Variants in HLCS observed in about 807,000 individuals in gnomAD.
HLCS encodes the protein biotin--protein ligase.
A neutral mutation model predicts 75.0 loss-of-function variants in HLCS; 53 were observed. The ratio of observed to expected loss-of-function variants is 0.71; its 90% CI spans 0.57 to 0.89. The LOEUF (loss-of-function observed/expected upper bound fraction) is 0.89. Among genes scored for constraint, HLCS ranks in the 40% least tolerant of loss-of-function variants. HLCS has a pLI of 0.00. For synonymous variants in HLCS, 431 were observed against 428.6 expected, an observed-to-expected ratio of 1.01 and a Z score of -0.07; for missense variants, 966 against 1,074.0, an observed-to-expected ratio of 0.90 and a Z score of 1.41.
chr21:36,933,841 T>C (rs3787771), intron 4 of HLCS, among the ~76,000 whole-genome samples: 98,819 of 152,034 alleles, frequency 0.65, 32,372 homozygotes, highest in East Asian at 0.79. Flanking sequence ...GTAGCCAAGA[T>C]GCACACGCAG....
intron 5 of HLCS, among the ~76,000 whole-genome samples, chr21:36,902,894 G>C (rs374450857): frequency 7.5e-4 from 114 of 152,308 alleles, no homozygotes; most frequent in African/African-American, 2.1e-3. Flanking sequence ...GCAGAGAGGA[G>C]GCAGTGAGCT....
intron 6 of HLCS, among the ~76,000 whole-genome samples, chr21:36,825,448 G>C (rs2061977188): frequency 6.6e-6 from 1 of 151,946 alleles, no homozygotes; most frequent in South Asian, 2.1e-4. Context: ...CTTGAGACTG[G>C]TTTGGTTCTG....
intron 2 of HLCS, among the ~76,000 whole-genome samples, chr21:36,954,513 G>A (rs1050102628): frequency 6.6e-6 from 1 of 151,924 alleles, no homozygotes; most frequent in Non-Finnish European, 1.5e-5. Flanking sequence ...CTACTTGGGA[G>A]GCTGAGGCAG....
chr21:36,959,066 G>T (rs1460445560), intron 2 of HLCS, among the ~76,000 whole-genome samples: 1 of 152,190 alleles, frequency 6.6e-6, no homozygotes, highest in Non-Finnish European at 1.5e-5. Context: ...CAGGAGCCCA[G>T]TGCTCCCAGG....
At chr21:36,947,125 C>A (rs1455057835) in intron 2 of HLCS, among the ~76,000 whole-genome samples, 2 of 152,142 alleles carry the variant, frequency 1.3e-5, no homozygotes, top group Admixed American at 6.5e-5. Context: ...GAGACTCAAC[C>A]CGGAATTTAG....
chr21:36,912,720 T>C (rs1224988070), intron 5 of HLCS, among the ~76,000 whole-genome samples: 1 of 152,088 alleles, frequency 6.6e-6, no homozygotes. Flanking sequence ...TCAGTTCCTT[T>C]ACTCTCACAA....
intron 1 of HLCS, chr21:36,971,964 G>A (rs1026934117): frequency 2.0e-5 from 3 of 152,054 alleles, no homozygotes; most frequent in Admixed American, 2.0e-4. Context: ...TGATTCATTT[G>A]TTGTATTGAT....
At chr21:36,938,514 G>A (rs1462106623) in intron 3 of HLCS, among the ~76,000 whole-genome samples, 2 of 152,130 alleles carry the variant, frequency 1.3e-5, no homozygotes, top group Non-Finnish European at 2.9e-5. Context: ...GTCCCACTAT[G>A]ATAAAAACAG....
At chr21:36,763,273 G>A (rs1466244698) in intron 8 of HLCS, among the ~76,000 whole-genome samples, 3 of 151,982 alleles carry the variant, frequency 2.0e-5, no homozygotes, top group Non-Finnish European at 4.4e-5. Flanking sequence ...ACCTCCCAAA[G>A]TGCTGGGATT....
chr21:36,888,935 A>G (rs1682678955), intron 6 of HLCS, among the ~76,000 whole-genome samples: 1 of 152,066 alleles, frequency 6.6e-6, no homozygotes, highest in African/African-American at 2.4e-5. Flanking sequence ...CTCCTATATC[A>G]CTGTGCCCAC....
chr21:36,871,504 T>TGACA (rs2146232192), intron 6 of HLCS, among the ~76,000 whole-genome samples: 1 of 152,252 alleles, frequency 6.6e-6, no homozygotes, highest in South Asian at 2.1e-4. Flanking sequence ...CAGGCTACCA[T>TGACA]GACACATCCA....
At chr21:36,966,850 T>C (rs1377750972), upstream of HLCS, among the ~76,000 whole-genome samples, 2 of 125,120 alleles carry the variant, frequency 1.6e-5, no homozygotes, top group Non-Finnish European at 3.4e-5. Flanking sequence ...CCCGGCTGTG[T>C]GATGGGGAGC....
chr21:36,925,090 GA>G (rs1330828025), intron 5 of HLCS, among the ~76,000 whole-genome samples: 5 of 152,224 alleles, frequency 3.3e-5, no homozygotes, highest in Middle Eastern at 3.4e-3. Flanking sequence ...TTTATGGGGG[GA>G]AAAAGTTTCA....
chr21:36,803,845 G>C (rs190500154), intron 6 of HLCS: 55 of 151,582 alleles, frequency 3.6e-4, no homozygotes, highest in African/African-American at 1.2e-3. Context: ...AATTTGATGG[G>C]CAATTGGGTC....
chr21:36,949,240 G>A (rs1177360455), intron 2 of HLCS, among the ~76,000 whole-genome samples: 1 of 152,196 alleles, frequency 6.6e-6, no homozygotes, highest in East Asian at 1.9e-4. Context: ...GGACAGGACT[G>A]GGCAGGAACA....
intron 6 of HLCS, among the ~76,000 whole-genome samples, chr21:36,773,049 T>C (rs945494223): frequency 6.6e-6 from 1 of 152,152 alleles, no homozygotes; most frequent in African/African-American, 2.4e-5. Flanking sequence ...TCCTTTATGT[T>C]GTTCTATATA....
At chr21:36,879,419 G>A (rs2064118722) in intron 6 of HLCS, among the ~76,000 whole-genome samples, 1 of 152,138 alleles carries the variant, frequency 6.6e-6, no homozygotes, top group South Asian at 2.1e-4. Context: ...AGTGTAGGAG[G>A]AAATAAAAGA....
intron 6 of HLCS, among the ~76,000 whole-genome samples, chr21:36,875,857 G>A (rs1049446013): frequency 2.0e-5 from 3 of 152,172 alleles, no homozygotes; most frequent in South Asian, 2.1e-4. Context: ...GCAGCTCTTC[G>A]GGGAGCCAGA....
rs142637443 is a variant in HLCS at position 36,904,087 on chromosome 21, G to A, written c.1621-6956C>T. ...CTCCAGAACCAAGAGCTAAATAAAC[G>A]TCTATTCTTTCTAAATTGCCCAATC... is the stretch of plus-strand genomic sequence containing the variant. On this transcript the variant is annotated intron_variant, in intron 5 of 10. Transcript: ENST00000674895. Among the ~76,000 whole-genome samples, 108 of 152,180 alleles carry A rather than the reference G, an allele frequency of 7.1e-4. 3 individuals carry two copies. Among genetic ancestry groups the A allele is most frequent in the South Asian group, 1.2e-3 (6 of 4,820 alleles).
Sources: allele counts gnomAD v4.1 joint callset (sites outside exome capture counted in the v4.1 genomes callset), GRCh38; gene constraint gnomAD v4.1.1; transcripts MANE v1.5; gene names NCBI Gene and HGNC (gene_info 2026-07-23, HGNC 2026-07-21).